The following DPYSL2 variants were observed in gnomAD, a reference collection of about 807,000 sequenced individuals.
The protein encoded by DPYSL2 is dihydropyrimidinase like 2.
DPYSL2 carries 13 observed loss-of-function variants against 69.9 expected under a neutral mutation model. The ratio of observed to expected loss-of-function variants is 0.19; its 90% CI spans 0.12 to 0.30. DPYSL2 has a LOEUF of 0.30. DPYSL2 is among the 10% of genes least tolerant of loss of function. The probability of loss-of-function intolerance (pLI) is 1.00; values close to 1 mark genes in which losing one functional copy is unlikely to be tolerated. For synonymous variants in DPYSL2, 326 were observed against 359.1 expected (o/e 0.91, Z 1.04); for missense variants, 587 against 918.9 (o/e 0.64, Z 4.67).
rs144598970 is a variant in DPYSL2 at position 26,617,554 on chromosome 8, A to T, written c.629-6589A>T. Among the ~76,000 whole-genome samples the T allele has an allele frequency of 6.6e-6, 1 of 152,226 alleles. No individual in the cohort carries two copies. Among genetic ancestry groups the T allele is most frequent in the African/African-American group, 2.4e-5 (1 of 41,460 alleles). The stretch of plus-strand genomic sequence containing the variant: ...AAAGTAGGGTCATTTAAATATGGCA[A>T]ACTCCAAACGGGTCTTCTCTTTGAA... On this transcript the variant is annotated intron_variant, in intron 3 of 13. Coordinates refer to ENST00000521913, the MANE Select transcript of DPYSL2 (RefSeq NM_001197293.3). This position sits in a 1 kb window ranked among gnomAD's most constrained non-coding sequence, Gnocchi z 4.7.
At chr8:26,519,339 A>C (rs4872450) in intron 1 of DPYSL2, among the ~76,000 whole-genome samples, 39,196 of 152,160 alleles carry the variant, frequency 0.26, 5,065 homozygotes, top group South Asian at 0.37. Flanking sequence ...GAAGTGAAGA[A>C]AGTGATGTCC....
chr8:26,597,763 C>T lies in DPYSL2; in HGVS notation c.628+13780C>T, dbSNP rs545618968. On this transcript the variant is annotated intron_variant, in intron 3 of 13. Coordinates refer to ENST00000521913, the MANE Select transcript of DPYSL2 (RefSeq NM_001197293.3). This position sits in a 1 kb window ranked among gnomAD's most constrained non-coding sequence, Gnocchi z 5.2. ...TGCTGGGATTACAGGCAAGAGCCAC[C>T]GCACCTGGCCTCTTTTTTTTTTTTT... 6.7e-5 allele frequency among the ~76,000 whole-genome samples: 10 copies of T among 150,176 alleles called. No homozygotes were observed. The East Asian group carries it at 8.0e-4, about 12-fold the overall frequency.
intron 1 of DPYSL2, among the ~76,000 whole-genome samples, chr8:26,520,554 G>T: frequency 6.7e-6 from 1 of 149,170 alleles, no homozygotes. Context: ...GCCCTAAATT[G>T]CTGACATTCT....
intron 1 of DPYSL2, among the ~76,000 whole-genome samples, chr8:26,551,757 G>A (rs985435151): frequency 6.6e-6 from 1 of 152,106 alleles, no homozygotes; most frequent in Non-Finnish European, 1.5e-5. Flanking sequence ...ACTTAAACTA[G>A]AAATCAGTAA....
Position 26,650,636 on chromosome 8 carries a change from A to C in DPYSL2, c.1597-1621A>C, listed in dbSNP as rs1026380679. Reference sequence around the variant, plus strand: ...ATTAGGTTATGTACCACGATGAAAGAAAACATGCCCAAGACGAGGAGTCTC... The same window carrying C: ...ATTAGGTTATGTACCACGATGAAAGCAAACATGCCCAAGACGAGGAGTCTC... On this transcript the variant is annotated intron_variant, in intron 11 of 13. Coordinates refer to ENST00000521913, the MANE Select transcript of DPYSL2 (RefSeq NM_001197293.3). The surrounding 1 kb of genome is among the most constrained non-coding windows in gnomAD (Gnocchi z 5.3). Among the ~76,000 whole-genome samples, 7 of 152,224 alleles carry C rather than the reference A, an allele frequency of 4.6e-5. No individual in the cohort carries two copies. Among genetic ancestry groups the C allele is most frequent in the Non-Finnish European group, 2.9e-5 (2 of 68,042 alleles).
chr8:26,525,343 G>A (rs1808459287), intron 1 of DPYSL2, among the ~76,000 whole-genome samples: 1 of 152,062 alleles, frequency 6.6e-6, no homozygotes, highest in Admixed American at 6.6e-5. Context: ...ATCTCAGCCT[G>A]CTGAGTAGTT....
At chr8:26,549,373 AAG>A (rs112346010) in intron 1 of DPYSL2, among the ~76,000 whole-genome samples, 10,744 of 152,082 alleles carry the variant, frequency 0.071, 453 homozygotes, top group South Asian at 0.22. Flanking sequence ...AATGGAAATG[AAG>A]AGAGAGAAAA....
At position 26,598,114 on chromosome 8, in the gene DPYSL2, AG is replaced by A. The variant is rs1292510020; in HGVS notation, c.628+14134del. 6.6e-6 allele frequency among the ~76,000 whole-genome samples: 1 copy of A among 152,150 alleles called. No homozygotes were observed. The highest frequency in any genetic ancestry group is 1.5e-5 in the Non-Finnish European group (1 of 68,032). ...GATCCAGGGAGGTGGTGGCTATGGCAGGGCTTGGACAAATTACATGTATGGG... is the reference window on the plus strand; with the variant it reads ...GATCCAGGGAGGTGGTGGCTATGGCAGGCTTGGACAAATTACATGTATGGG... On this transcript the variant is annotated intron_variant, in intron 3 of 13. Transcript: ENST00000521913. The surrounding 1 kb of genome is among the most constrained non-coding windows in gnomAD (Gnocchi z 4.2).
At chr8:26,611,664 A>G (rs1265052198) in intron 3 of DPYSL2, among the ~76,000 whole-genome samples, 2 of 152,194 alleles carry the variant, frequency 1.3e-5, no homozygotes, top group African/African-American at 4.8e-5. Context: ...TCTTGGAGAA[A>G]TTCTGCATGG....
chr8:26,560,212 G>T lies in DPYSL2; in HGVS notation c.355-21757G>T, dbSNP rs1801049948. Among the ~76,000 whole-genome samples the T allele has an allele frequency of 6.6e-6, 1 of 152,180 alleles. No individual in the cohort carries two copies. Among genetic ancestry groups the T allele is most frequent in the African/African-American group, 2.4e-5 (1 of 41,434 alleles). On this transcript the variant is annotated intron_variant, in intron 1 of 13. Coordinates refer to ENST00000521913, the MANE Select transcript of DPYSL2 (RefSeq NM_001197293.3). The surrounding 1 kb of genome is among the most constrained non-coding windows in gnomAD (Gnocchi z 4.4). ...TCACTCTGCCTGAACCTGGGTGGCAGGGGCTGCATGTTTAGAACTTTCACA... is the reference window on the plus strand; with the variant it reads ...TCACTCTGCCTGAACCTGGGTGGCATGGGCTGCATGTTTAGAACTTTCACA...
intron 7 of DPYSL2, among the ~76,000 whole-genome samples, chr8:26,634,428 CTTTTTTTTT>C (rs55746168): frequency 1.1e-5 from 1 of 91,146 alleles, no homozygotes; most frequent in African/African-American, 3.9e-5. Context: ...CCATGCCCAG[CTTTTTTTTT>C]TTTTTTTTTT....
intron 3 of DPYSL2, among the ~76,000 whole-genome samples, chr8:26,618,036 G>A (rs1055722625): frequency 5.9e-5 from 9 of 152,174 alleles, no homozygotes; most frequent in Non-Finnish European, 1.0e-4. Flanking sequence ...AAAAAAAACA[G>A]TAGGGTCCTT....
intron 11 of DPYSL2, among the ~76,000 whole-genome samples, chr8:26,649,557 A>G (rs1283929107): frequency 6.6e-6 from 1 of 152,196 alleles, no homozygotes; most frequent in Non-Finnish European, 1.5e-5. Flanking sequence ...GTGCTTTTCC[A>G]TCCCCACCTG....
At chr8:26,575,353 G>T (rs967177651) in intron 1 of DPYSL2, among the ~76,000 whole-genome samples, 4 of 147,114 alleles carry the variant, frequency 2.7e-5, no homozygotes, top group South Asian at 4.4e-4. Context: ...GTGGTTTTTT[G>T]TTTTTTTTTT....
chr8:26,629,424 T>C (rs1802692721), intron 7 of DPYSL2, among the ~76,000 whole-genome samples: 1 of 152,154 alleles, frequency 6.6e-6, no homozygotes, highest in South Asian at 2.1e-4. Context: ...CAAGACACTT[T>C]CAGTAGCATT....
chr8:26,578,547 C>G lies in DPYSL2; in HGVS notation c.355-3422C>G, dbSNP rs1038507793. The G allele has an allele frequency of 8.4e-5, 117 of 1,393,396 alleles. 1 individual carries two copies. Among genetic ancestry groups the G allele is most frequent in the Non-Finnish European group, 5.6e-5 (60 of 1,078,066 alleles). The allele number at this position is 1,393,396 out of a possible 1,614,324, so 86.3% of individuals were successfully genotyped here. A position where few individuals can be genotyped will look rare whatever the true frequency, so the allele number is the denominator to read the frequency against. On this transcript the variant is annotated intron_variant, in intron 1 of 13. Coordinates refer to ENST00000521913, the MANE Select transcript of DPYSL2 (RefSeq NM_001197293.3). The stretch of plus-strand genomic sequence containing the variant: ...AGGTAGCCTTAGGTAACGCGCCAGA[C>G]CCGGTCTATCTTTTATTGTCAGTGA...
chr8:26,528,099 G>T (rs577306261), intron 1 of DPYSL2, among the ~76,000 whole-genome samples: 1 of 152,210 alleles, frequency 6.6e-6, no homozygotes, highest in South Asian at 2.1e-4. Flanking sequence ...CATGCCCAGT[G>T]TCTCATTTTG....
At chr8:26,599,843 A>T (rs1585536545) in intron 3 of DPYSL2, among the ~76,000 whole-genome samples, 1 of 152,326 alleles carries the variant, frequency 6.6e-6, no homozygotes, top group East Asian at 1.9e-4. Flanking sequence ...TTGTGGAAGC[A>T]TCACTACCAT....
intron 1 of DPYSL2, among the ~76,000 whole-genome samples, chr8:26,557,031 A>G (rs1206553399): frequency 1.3e-5 from 2 of 152,288 alleles, no homozygotes; most frequent in Non-Finnish European, 2.9e-5. Flanking sequence ...ATGCAAAAAC[A>G]TAAATCTAGA....
Sources: allele counts gnomAD v4.1 joint callset (sites outside exome capture counted in the v4.1 genomes callset), GRCh38; gene constraint gnomAD v4.1.1; non-coding constraint Gnocchi (gnomAD v3.1); transcripts MANE v1.5; gene names NCBI Gene and HGNC (gene_info 2026-07-23, HGNC 2026-07-21).